Variants in SLC35F4 observed in about 807,000 individuals in gnomAD.
SLC35F4 encodes chromosome 14 open reading frame 36.
In SLC35F4, 24 loss-of-function variants were observed where a neutral mutation model predicts 44.2. That is an observed-to-expected ratio of 0.54 (90% confidence interval 0.39 to 0.76). The LOEUF (loss-of-function observed/expected upper bound fraction) is 0.76. Among genes scored for constraint, SLC35F4 ranks in the 30% least tolerant of loss-of-function variants. The pLI is 0.00. For missense variants in SLC35F4, 562 were observed against 586.1 expected (o/e 0.96, Z 0.42); for synonymous variants, 238 against 223.6 (o/e 1.06, Z -0.57).
chr14:57,637,127 ATTTATAGATGAGGAAACCAAGGC>A (rs1400737488), intron 1 of SLC35F4, among the ~76,000 whole-genome samples: 3 of 152,108 alleles, frequency 2.0e-5, no homozygotes, highest in Admixed American at 6.6e-5. Context: ...CTTAATTCCA[ATTTATAGATGAGGAAACCAAGGC>A]TTAGAGTGGC....
intron 1 of SLC35F4, among the ~76,000 whole-genome samples, chr14:57,741,518 A>G (rs1004639339): frequency 6.7e-6 from 1 of 148,818 alleles, no homozygotes; most frequent in Non-Finnish European, 1.5e-5. Flanking sequence ...AATGAAATGA[A>G]GCGAGAAGAG....
Position 57,564,409 on chromosome 14 carries a change from A to G in SLC35F4, c.1217-33T>C, listed in dbSNP as rs113050860. 2.4e-3 allele frequency: 3,731 copies of G among 1,577,836 alleles called. 89 individuals carry two copies. The African/African-American group carries it at 0.043, about 18-fold the overall frequency. ...AGAAAAATCAAGTCAGTCATTTCCT[A>G]TGCCTGTTTCTAAGCTTTGAAAACA... On this transcript the variant is annotated intron_variant, in intron 7 of 7. Transcript: ENST00000556826.
At chr14:57,609,421 A>T (rs1185892486) in intron 1 of SLC35F4, among the ~76,000 whole-genome samples, 1 of 152,172 alleles carries the variant, frequency 6.6e-6, no homozygotes, top group East Asian at 1.9e-4. Context: ...TTTAATCACA[A>T]TCCTCACCAT....
chr14:57,795,238 ATC>A (rs2078026740), intron 1 of SLC35F4, among the ~76,000 whole-genome samples: 1 of 152,162 alleles, frequency 6.6e-6, no homozygotes, highest in African/African-American at 2.4e-5. Flanking sequence ...CTAGGTTTGG[ATC>A]GATGGAAAAA....
chr14:57,608,341 A>G (rs569191293), intron 1 of SLC35F4, among the ~76,000 whole-genome samples: 2 of 152,340 alleles, frequency 1.3e-5, no homozygotes, highest in Non-Finnish European at 2.9e-5. Context: ...CCTTAATTCC[A>G]TATGACCAGT....
intron 1 of SLC35F4, among the ~76,000 whole-genome samples, chr14:57,792,712 G>C (rs766783050): frequency 1.3e-5 from 2 of 152,158 alleles, no homozygotes; most frequent in Non-Finnish European, 2.9e-5. Context: ...TCACTTATAA[G>C]TGGGAGTTAA....
chr14:57,580,448 A>G (rs2139803772), intron 4 of SLC35F4: 1 of 260,066 alleles, frequency 3.8e-6, no homozygotes, highest in South Asian at 3.7e-5. Context: ...CCTCCTTCTA[A>G]AGAAGTGTTG....
intron 1 of SLC35F4, among the ~76,000 whole-genome samples, chr14:57,627,349 C>T (rs2140115677): frequency 6.6e-6 from 1 of 152,196 alleles, no homozygotes; most frequent in African/African-American, 2.4e-5. Context: ...AGGAAGAATG[C>T]TTAACTTACC....
intron 1 of SLC35F4, among the ~76,000 whole-genome samples, chr14:57,859,333 T>C (rs898221071): frequency 6.6e-6 from 1 of 152,062 alleles, no homozygotes; most frequent in Non-Finnish European, 1.5e-5. Flanking sequence ...GCCACTTGCG[T>C]GTGTCCATGG....
rs1007837358 is a variant in SLC35F4 at position 57,617,422 on chromosome 14, G to A, written c.104-23298C>T. On this transcript the variant is annotated intron_variant, in intron 1 of 7. Transcript: ENST00000556826. Reference sequence around the variant, plus strand: ...TGGGATTACAAGCATGAGCCACCGCGCCTGGCCTAACTGTAGTTATTCTTA... The same window carrying A: ...TGGGATTACAAGCATGAGCCACCGCACCTGGCCTAACTGTAGTTATTCTTA... Among the ~76,000 whole-genome samples the A allele has an allele frequency of 7.2e-5, 11 of 151,980 alleles. No homozygotes were observed. In the East Asian group the frequency reaches 7.7e-4, roughly 11 times the overall value.
At chr14:57,645,933 TTG>T (rs1375213662) in intron 1 of SLC35F4, among the ~76,000 whole-genome samples, 1 of 152,170 alleles carries the variant, frequency 6.6e-6, no homozygotes, top group Non-Finnish European at 1.5e-5. Context: ...ATTTATTGAT[TTG>T]TGTCTGTTGA....
chr14:57,888,258 A>G (rs1193983081), intron 1 of SLC35F4, among the ~76,000 whole-genome samples: 2 of 152,220 alleles, frequency 1.3e-5, no homozygotes, highest in African/African-American at 2.4e-5. Context: ...GGAAGCAAAT[A>G]TAAGTTTGCA....
At chr14:57,981,853 G>C (rs1245765434) in intron 1 of SLC35F4, 2 of 152,188 alleles carry the variant, frequency 1.3e-5, no homozygotes, top group Non-Finnish European at 2.9e-5. Context: ...TCATCTGGCA[G>C]ACATTTAAGA....
At chr14:57,620,136 G>C (rs956899736) in intron 1 of SLC35F4, among the ~76,000 whole-genome samples, 2 of 152,116 alleles carry the variant, frequency 1.3e-5, no homozygotes, top group Admixed American at 1.3e-4. Context: ...TTTTCCAGGA[G>C]AACTTCCCCA....
At chr14:57,676,417 C>A (rs975882197) in intron 1 of SLC35F4, among the ~76,000 whole-genome samples, 1 of 151,894 alleles carries the variant, frequency 6.6e-6, no homozygotes, top group Non-Finnish European at 1.5e-5. Flanking sequence ...CACACTGGGG[C>A]CTGTCATGGG....
chr14:57,710,239 C>T, intron 1 of SLC35F4, among the ~76,000 whole-genome samples: 1 of 152,200 alleles, frequency 6.6e-6, no homozygotes, highest in East Asian at 1.9e-4. Context: ...GGGTGCAAGC[C>T]CTAAGCCTTC....
chr14:57,978,153 G>T (rs563506404), intron 1 of SLC35F4, among the ~76,000 whole-genome samples: 1 of 152,220 alleles, frequency 6.6e-6, no homozygotes, highest in African/African-American at 2.4e-5. Flanking sequence ...GGGACCAAAA[G>T]GATGGCATCC....
chr14:57,616,761 G>T (rs570357402), intron 1 of SLC35F4, among the ~76,000 whole-genome samples: 2 of 152,106 alleles, frequency 1.3e-5, no homozygotes, highest in East Asian at 3.9e-4. Context: ...CATATAGTTT[G>T]AGGGGTCCCT....
intron 1 of SLC35F4, among the ~76,000 whole-genome samples, chr14:57,646,277 A>T (rs541444771): frequency 6.6e-6 from 1 of 152,112 alleles, no homozygotes; most frequent in Non-Finnish European, 1.5e-5. Context: ...TTGGTAAGCT[A>T]TTAATTATTG....
Sources: gnomAD v4.1 joint callset for allele counts (sites outside exome capture counted in the v4.1 genomes callset) on GRCh38, gnomAD v4.1.1 for gene constraint, MANE v1.5 for transcripts, NCBI Gene and HGNC (gene_info 2026-07-23, HGNC 2026-07-21) for gene names.